LRRC4C: variants seen among roughly 807,000 people sequenced by gnomAD.
LRRC4C encodes leucine rich repeat containing 4C, also known as leucine-rich repeat-containing protein 4C.
A neutral mutation model predicts 33.6 loss-of-function variants in LRRC4C; 5 were observed. The observed-to-expected ratio is 0.15, with a 90% confidence interval of 0.08 to 0.31. The LOEUF is 0.31. LRRC4C is among the 10% of genes least tolerant of loss of function. The probability of loss-of-function intolerance (pLI) is 1.00; values close to 1 mark genes in which losing one functional copy is unlikely to be tolerated. For missense variants in LRRC4C, 560 were observed against 796.7 expected, an observed-to-expected ratio of 0.70 and a Z score of 3.58; for synonymous variants, 329 against 302.0, an observed-to-expected ratio of 1.09 and a Z score of -0.93.
At chr11:40,644,717 G>A (rs79362882) in intron 3 of LRRC4C, among the ~76,000 whole-genome samples, 2,910 of 152,202 alleles carry the variant, frequency 0.019, 44 homozygotes, top group South Asian at 0.036. Flanking sequence ...ACAAAGTTAC[G>A]GAAATAGAGA....
intron 2 of LRRC4C, among the ~76,000 whole-genome samples, chr11:40,901,084 T>C (rs1321418620): frequency 2.0e-5 from 3 of 152,198 alleles, no homozygotes; most frequent in Admixed American, 6.6e-5. Flanking sequence ...TGTAAAAATG[T>C]CTCTTTAAGC....
intron 2 of LRRC4C, among the ~76,000 whole-genome samples, chr11:40,665,433 T>C (rs1020816237): frequency 7.1e-6 from 1 of 140,336 alleles, no homozygotes; most frequent in Non-Finnish European, 1.5e-5. Context: ...ACACCTGTTG[T>C]CTCATAGTTA....
intron 2 of LRRC4C, among the ~76,000 whole-genome samples, chr11:40,909,184 T>G (rs1956557926): frequency 6.6e-6 from 1 of 152,152 alleles, no homozygotes; most frequent in Non-Finnish European, 1.5e-5. Context: ...ATGAGGAATT[T>G]TATCTTCTCT....
At chr11:40,957,604 G>A (rs774800068) in intron 1 of LRRC4C, among the ~76,000 whole-genome samples, 1 of 151,690 alleles carries the variant, frequency 6.6e-6, no homozygotes, top group African/African-American at 2.4e-5. Flanking sequence ...CACACTAAAC[G>A]AACTATGGTT....
rs563066617 is a variant in LRRC4C at position 40,906,419 on chromosome 11, G to A, written c.-407+27216C>T. On this transcript the variant is annotated intron_variant, in intron 2 of 6. Coordinates refer to ENST00000528697, the MANE Select transcript of LRRC4C (RefSeq NM_001258419.2). ...CCAGCTACTCGGGAGGCTGAGGTGG[G>A]AGAATTGCTTGAATTTGGGAGGCGG... 1.1e-4 allele frequency among the ~76,000 whole-genome samples: 17 copies of A among 152,256 alleles called. No homozygotes were observed. In the South Asian group the frequency reaches 2.7e-3, roughly 24 times the overall value.
chr11:40,847,032 C>T (rs184332488), intron 2 of LRRC4C, among the ~76,000 whole-genome samples: 2 of 152,124 alleles, frequency 1.3e-5, no homozygotes, highest in Non-Finnish European at 2.9e-5. Flanking sequence ...AGTTGCTTAT[C>T]GGCTTAAGGA....
chr11:40,441,744 C>T (rs1244851472), intron 3 of LRRC4C, among the ~76,000 whole-genome samples: 3 of 152,148 alleles, frequency 2.0e-5, no homozygotes, highest in Non-Finnish European at 4.4e-5. Flanking sequence ...ACCTACATTA[C>T]AGGGTTGCTG....
At chr11:40,175,645 C>G (rs541602898) in intron 5 of LRRC4C, among the ~76,000 whole-genome samples, 13 of 152,256 alleles carry the variant, frequency 8.5e-5, no homozygotes, top group African/African-American at 2.6e-4. Context: ...ACACTATATG[C>G]AAAGGCTGGC....
intron 1 of LRRC4C, among the ~76,000 whole-genome samples, chr11:41,351,289 CAAAAA>C (rs992000750): frequency 2.7e-5 from 4 of 150,632 alleles, no homozygotes; most frequent in African/African-American, 9.8e-5. Context: ...TCCACATAGA[CAAAAA>C]AAGAGTTTTT....
intron 1 of LRRC4C, among the ~76,000 whole-genome samples, chr11:41,045,763 T>C (rs56320001): frequency 3.2e-4 from 48 of 152,190 alleles, no homozygotes; most frequent in Admixed American, 6.5e-4. Context: ...AGTATTTTCC[T>C]ATCTCAGTGA....
chr11:40,826,556 C>A (rs2135511330), intron 2 of LRRC4C, among the ~76,000 whole-genome samples: 1 of 151,932 alleles, frequency 6.6e-6, no homozygotes, highest in African/African-American at 2.4e-5. Flanking sequence ...GCTTTGAAAC[C>A]ACCTAAAAGT....
chr11:40,352,314 T>C (rs1947448778), intron 3 of LRRC4C, among the ~76,000 whole-genome samples: 1 of 152,028 alleles, frequency 6.6e-6, no homozygotes, highest in African/African-American at 2.4e-5. Flanking sequence ...CTATAAACCA[T>C]TATTTTAAAC....
chr11:41,117,400 T>C (rs1285738244), intron 1 of LRRC4C, among the ~76,000 whole-genome samples: 1 of 152,176 alleles, frequency 6.6e-6, no homozygotes, highest in Non-Finnish European at 1.5e-5. Context: ...CAAATATCAG[T>C]GATAATGGCT....
chr11:40,259,454 G>A (rs1431170290), intron 4 of LRRC4C, among the ~76,000 whole-genome samples: 2 of 151,872 alleles, frequency 1.3e-5, no homozygotes, highest in Non-Finnish European at 2.9e-5. Flanking sequence ...TGTTGCCATT[G>A]CTTTTGGTGT....
chr11:40,627,431 A>G (rs542882422), intron 3 of LRRC4C, among the ~76,000 whole-genome samples: 10 of 152,308 alleles, frequency 6.6e-5, no homozygotes, highest in African/African-American at 1.9e-4. Context: ...CATTGTACAA[A>G]TGAGTGTCTG....
chr11:41,320,192 C>T (rs574858565), intron 1 of LRRC4C, among the ~76,000 whole-genome samples: 1 of 152,250 alleles, frequency 6.6e-6, no homozygotes, highest in South Asian at 2.1e-4. Flanking sequence ...CTGTGCAACT[C>T]TGCAACTTTA....
intron 1 of LRRC4C, among the ~76,000 whole-genome samples, chr11:41,135,702 A>C (rs1002231856): frequency 2.0e-4 from 30 of 152,190 alleles, no homozygotes; most frequent in African/African-American, 7.0e-4. Context: ...ATAAATGCTC[A>C]ATAAAAGTGA....
chr11:40,312,790 A>C (rs746902126), intron 4 of LRRC4C, among the ~76,000 whole-genome samples: 39 of 152,348 alleles, frequency 2.6e-4, no homozygotes, highest in Non-Finnish European at 4.7e-4. Context: ...AACAATCTGG[A>C]TGAAAATGTA....
At chr11:40,458,401 A>AATATC (rs1952235344) in intron 3 of LRRC4C, among the ~76,000 whole-genome samples, 1 of 152,176 alleles carries the variant, frequency 6.6e-6, no homozygotes, top group Non-Finnish European at 1.5e-5. Context: ...CCTACTGAAA[A>AATATC]ATATCCAGAC....
Sources: allele counts gnomAD v4.1 joint callset (sites outside exome capture counted in the v4.1 genomes callset), GRCh38; gene constraint gnomAD v4.1.1; transcripts MANE v1.5; gene names NCBI Gene and HGNC (gene_info 2026-07-23, HGNC 2026-07-21).